The following ENTREP2 variants were observed in gnomAD, a reference collection of about 807,000 sequenced individuals.
ENTREP2 encodes protein ENTREP2.
At chr15:29,353,770 T>C in the ENTREP2 span, among the ~76,000 whole-genome samples, 8 of 152,190 alleles carry the variant, frequency 5.3e-5, no homozygotes, top group Non-Finnish European at 1.2e-4. Flanking sequence ...CTCACGGGGA[T>C]AGAGTTACTC....
the ENTREP2 span, among the ~76,000 whole-genome samples, chr15:29,203,558 G>A: frequency 6.6e-6 from 1 of 152,098 alleles, no homozygotes; most frequent in African/African-American, 2.4e-5. Context: ...GTGATGATGA[G>A]CTTTTTTTCA....
the ENTREP2 span, chr15:29,196,421 C>T: frequency 1.9e-6 from 3 of 1,549,710 alleles, no homozygotes; most frequent in South Asian, 2.4e-5. Context: ...CAGCGCCCAG[C>T]GGGGTCACCT....
At chr15:29,513,140 C>T in the ENTREP2 span, among the ~76,000 whole-genome samples, 1 of 152,170 alleles carries the variant, frequency 6.6e-6, no homozygotes, top group Non-Finnish European at 1.5e-5. Flanking sequence ...CTGTTTTCCA[C>T]TCACTGCCTT....
chr15:29,203,141 G>A, the ENTREP2 span, among the ~76,000 whole-genome samples: 54 of 152,312 alleles, frequency 3.5e-4, no homozygotes, highest in Non-Finnish European at 6.9e-4. Flanking sequence ...GGTGGCTCAC[G>A]CCTATAATCC....
At chr15:29,260,253 G>A in the ENTREP2 span, among the ~76,000 whole-genome samples, 1,057 of 152,224 alleles carry the variant, frequency 6.9e-3, 8 homozygotes, top group African/African-American at 0.024. Flanking sequence ...CCCTGGTACC[G>A]AAGTCAGACA....
the ENTREP2 span, among the ~76,000 whole-genome samples, chr15:29,497,598 T>C: frequency 1.3e-5 from 2 of 152,316 alleles, no homozygotes; most frequent in East Asian, 1.9e-4. Context: ...TAGTACTCTC[T>C]TAGGATCCTT....
At chr15:29,561,693 T>TATAACA in the ENTREP2 span, among the ~76,000 whole-genome samples, 6 of 147,656 alleles carry the variant, frequency 4.1e-5, no homozygotes, top group African/African-American at 2.5e-5. Context: ...ATCTCAAAAT[T>TATAACA]ATAATAATAA....
the ENTREP2 span, among the ~76,000 whole-genome samples, chr15:29,231,255 G>A: frequency 2.0e-5 from 3 of 152,184 alleles, no homozygotes; most frequent in Admixed American, 2.0e-4. Context: ...AAGCCACTCA[G>A]TACTAACCTC....
the ENTREP2 span, among the ~76,000 whole-genome samples, chr15:29,409,604 C>A: frequency 8.6e-5 from 13 of 150,788 alleles, no homozygotes; most frequent in Admixed American, 2.0e-4. Context: ...GGATTACAGG[C>A]ATGAGCCACC....
At chr15:29,418,605 C>A in the ENTREP2 span, among the ~76,000 whole-genome samples, 1 of 152,126 alleles carries the variant, frequency 6.6e-6, no homozygotes, top group Non-Finnish European at 1.5e-5. Flanking sequence ...GCTTCCAGGT[C>A]GGATGGAGTA....
At chr15:29,272,863 C>T in the ENTREP2 span, among the ~76,000 whole-genome samples, 3 of 151,968 alleles carry the variant, frequency 2.0e-5, no homozygotes, top group Non-Finnish European at 4.4e-5. Context: ...ACATGAAAAC[C>T]CTGACTGCAT....
chr15:29,538,952 C>T, the ENTREP2 span, among the ~76,000 whole-genome samples: 9 of 152,138 alleles, frequency 5.9e-5, no homozygotes, highest in Non-Finnish European at 1.3e-4. Flanking sequence ...TGTATATTAG[C>T]AAAAATTCAG....
At chr15:29,396,153 T>C in the ENTREP2 span, among the ~76,000 whole-genome samples, 1 of 152,188 alleles carries the variant, frequency 6.6e-6, no homozygotes, top group Non-Finnish European at 1.5e-5. Context: ...AAATTTCAAA[T>C]ATACAGCACA....
At chr15:29,118,152 T>C in the ENTREP2 span, 1 of 152,636 alleles carries the variant, frequency 6.6e-6, no homozygotes, top group Non-Finnish European at 1.5e-5. Context: ...GAAGTCTCTT[T>C]TTTTGGCCCA....
At chr15:29,358,090 A>G in the ENTREP2 span, among the ~76,000 whole-genome samples, 1 of 152,174 alleles carries the variant, frequency 6.6e-6, no homozygotes, top group East Asian at 1.9e-4. Context: ...AGTGCCCTGG[A>G]GGAACCCATG....
the ENTREP2 span, among the ~76,000 whole-genome samples, chr15:29,228,600 T>C: frequency 6.6e-6 from 1 of 152,210 alleles, no homozygotes; most frequent in Non-Finnish European, 1.5e-5. Context: ...TAGTAAACTT[T>C]ATACTGTGTA....
chr15:29,218,529 C>T, the ENTREP2 span, among the ~76,000 whole-genome samples: 3 of 152,050 alleles, frequency 2.0e-5, no homozygotes, highest in African/African-American at 7.3e-5. Context: ...GCAAAAAGAA[C>T]AAATCTGGAG....
the ENTREP2 span, among the ~76,000 whole-genome samples, chr15:29,472,986 G>T: frequency 6.6e-6 from 1 of 152,122 alleles, no homozygotes; most frequent in African/African-American, 2.4e-5. Flanking sequence ...CACCAGAGAA[G>T]TCTTCAAAGT....
chr15:29,136,505 A>G, the ENTREP2 span: 2 of 1,547,224 alleles, frequency 1.3e-6, no homozygotes, highest in Non-Finnish European at 1.7e-6. Flanking sequence ...GAGGCCCCTG[A>G]AAAGACAGAA....
Sources: gnomAD v4.1 joint callset for allele counts (sites outside exome capture counted in the v4.1 genomes callset) on GRCh38, gnomAD v4.1.1 for gene constraint, MANE v1.5 for transcripts, NCBI Gene and HGNC (gene_info 2026-07-23, HGNC 2026-07-21) for gene names.